Variants in MICAL3 observed in about 807,000 individuals in gnomAD.
The protein encoded by MICAL3 is [F-actin]-monooxygenase MICAL3.
A neutral mutation model predicts 207.4 loss-of-function variants in MICAL3; 62 were observed. That is an observed-to-expected ratio of 0.30 (90% CI 0.24 to 0.37). MICAL3 has a LOEUF of 0.37. Ranked by LOEUF, MICAL3 falls within the 10% of genes least tolerant of loss-of-function variation. MICAL3 has a pLI of 1.00. For missense variants in MICAL3, 2,368 were observed against 2,635.6 expected (o/e 0.90, Z 2.22); for synonymous variants, 1,077 against 1,069.3 (o/e 1.01, Z -0.14).
chr22:17,896,769 G>A lies in MICAL3; in HGVS notation c.1161C>T (p.Asn387=), dbSNP rs61741968. Residue 387 remains asparagine, a synonymous_variant, in exon 8 of 32, where the codon AAC becomes AAT. Coordinates refer to ENST00000441493, the MANE Select transcript of MICAL3 (RefSeq NM_015241.3). ...CCAGAGCCACTAGTAACTGGTGTCC[G>A]TTCTGCTCCCGCACCAAGGCGGCGT... ...SENAALVREQ[N]GHQLLVALVG... is the part of the protein sequence containing the mutation. 5.8e-4 allele frequency: 943 copies of A among 1,613,854 alleles called. 3 individuals carry two copies. In the African/African-American group the frequency reaches 0.011, roughly 19 times the overall value.
intron 1 of MICAL3, among the ~76,000 whole-genome samples, chr22:18,021,864 G>A (rs887281176): frequency 6.6e-6 from 1 of 152,130 alleles, no homozygotes; most frequent in African/African-American, 2.4e-5. Context: ...TATTTATGAG[G>A]TGTATGACTG....
rs140111263 is a variant in MICAL3, at chr22:17,833,613, T to C, written c.2802-1506A>G. On this transcript the variant is annotated intron_variant, in intron 20 of 31. Coordinates refer to ENST00000441493, the MANE Select transcript of MICAL3 (RefSeq NM_015241.3). ...TGTCCTTGGCTCCACGAAAGTAACC[T>C]AGACACGCCTGGGGTGCCCTGCCTA... Among the ~76,000 whole-genome samples the C allele has an allele frequency of 4.6e-5, 7 of 152,306 alleles. No homozygotes were observed. The East Asian group carries it at 1.3e-3, about 29-fold the overall frequency.
At position 17,822,043 on chromosome 22, in the gene MICAL3, C is replaced by T; in HGVS notation, c.3435G>A (p.Lys1145=). Residue 1145 remains lysine, a synonymous_variant, in exon 24 of 32, where the codon AAG becomes AAA. Transcript: ENST00000441493. Reference sequence around the variant, plus strand: ...AGACAGGCTCACCTCTCTCTTGGTGCTTCGGTGAGGCGGGCAGCTTCTCCT... The same window carrying T: ...AGACAGGCTCACCTCTCTCTTGGTGTTTCGGTGAGGCGGGCAGCTTCTCCT... The part of the protein sequence containing the change: ...EDEEKLPASP[K]HQERGPSQAT... 2 of 1,613,858 alleles carry T rather than the reference C, an allele frequency of 1.2e-6. No individual in the cohort carries two copies. Among genetic ancestry groups the T allele is most frequent in the Non-Finnish European group, 1.7e-6 (2 of 1,179,834 alleles).
At chr22:17,943,881 T>C (rs1007428314) in intron 1 of MICAL3, among the ~76,000 whole-genome samples, 1 of 151,462 alleles carries the variant, frequency 6.6e-6, no homozygotes, top group African/African-American at 2.4e-5. Context: ...AGAGATGGAG[T>C]TTTTCTTTTA....
intron 1 of MICAL3, chr22:18,001,482 T>G (rs1602386390): frequency 6.7e-6 from 1 of 148,960 alleles, no homozygotes; most frequent in Admixed American, 6.7e-5. Flanking sequence ...TCCGGCGCGG[T>G]AGGTAGCAGC....
At chr22:17,798,312 C>A (rs972671085) in intron 29 of MICAL3, among the ~76,000 whole-genome samples, 2 of 152,198 alleles carry the variant, frequency 1.3e-5, no homozygotes, top group Non-Finnish European at 2.9e-5. Context: ...GTGTGTTTCA[C>A]GCACACAGAA....
chr22:18,011,561 T>G (rs1194590643), intron 1 of MICAL3, among the ~76,000 whole-genome samples: 1 of 141,980 alleles, frequency 7.0e-6, no homozygotes, highest in Non-Finnish European at 1.5e-5. Flanking sequence ...AGAGTGAGAC[T>G]CCGTCTAAAA....
At chr22:17,880,134 C>T (rs1292182336) in intron 16 of MICAL3, among the ~76,000 whole-genome samples, 6 of 152,136 alleles carry the variant, frequency 3.9e-5, no homozygotes, top group South Asian at 4.1e-4. Flanking sequence ...ATCTAGCACC[C>T]GTGAGCATAA....
At chr22:17,928,149 C>G (rs1365044725) in intron 1 of MICAL3, among the ~76,000 whole-genome samples, 1 of 152,122 alleles carries the variant, frequency 6.6e-6, no homozygotes, top group Non-Finnish European at 1.5e-5. Context: ...TTAGAAACAC[C>G]TGTCCGTGGG....
At chr22:17,810,269 T>G (rs1028846537) in intron 28 of MICAL3, among the ~76,000 whole-genome samples, 3 of 152,078 alleles carry the variant, frequency 2.0e-5, no homozygotes, top group African/African-American at 7.2e-5. Flanking sequence ...TTCACCGTGT[T>G]AGCCAGGATG....
rs76515150 is a variant in MICAL3 at position 17,893,978 on chromosome 22, T to C, written c.1450-74A>G. Reference sequence around the variant, plus strand: ...AACAAATTCCTACCTAAGAGCAGAATGGCTGAAAGGAAAGTCTGGGATAGA... The same window carrying C: ...AACAAATTCCTACCTAAGAGCAGAACGGCTGAAAGGAAAGTCTGGGATAGA... On this transcript the variant is annotated intron_variant, in intron 10 of 31. Transcript: ENST00000441493. The C allele has an allele frequency of 3.3e-3, 3,686 of 1,113,040 alleles. 66 individuals carry two copies. In the African/African-American group the frequency reaches 0.041, roughly 12 times the overall value. The allele number at this position is 1,113,040 out of a possible 1,614,324, so 68.9% of individuals were successfully genotyped here.
intron 1 of MICAL3, among the ~76,000 whole-genome samples, chr22:17,981,210 C>T (rs1935895069): frequency 6.6e-6 from 1 of 151,402 alleles, no homozygotes; most frequent in Non-Finnish European, 1.5e-5. Context: ...TAATAAAGCA[C>T]ATAGGAATAA....
In MICAL3 at chr22:17,900,305, T is replaced by C. The variant is rs1931207621; in HGVS notation, c.847+537A>G. 5.9e-5 allele frequency among the ~76,000 whole-genome samples: 9 copies of C among 152,218 alleles called. No homozygotes were observed. The South Asian group carries it at 1.5e-3, about 25-fold the overall frequency. On this transcript the variant is annotated intron_variant, in intron 6 of 31. Transcript: ENST00000441493. This position sits in a 1 kb window ranked among gnomAD's most constrained non-coding sequence, Gnocchi z 4.0. ...GGCAGAACGAATGCTTTACAACAAA[T>C]AAACGAACAAACAAAACCTCAGGCT...
intron 1 of MICAL3, among the ~76,000 whole-genome samples, chr22:17,993,164 C>CG (rs1462656161): frequency 6.6e-6 from 1 of 152,150 alleles, no homozygotes; most frequent in East Asian, 1.9e-4. Flanking sequence ...ATGAATGACT[C>CG]TGACTACTCA....
At chr22:17,944,147 AGT>A (rs1933941868) in intron 1 of MICAL3, among the ~76,000 whole-genome samples, 1 of 152,206 alleles carries the variant, frequency 6.6e-6, no homozygotes, top group African/African-American at 2.4e-5. Context: ...GTTCCACTCC[AGT>A]GGAGAGAGAG....
In MICAL3 at chr22:17,796,862, G is replaced by C. The variant is rs2061882062; in HGVS notation, c.5651-5561C>G. On this transcript the variant is annotated intron_variant, in intron 29 of 31. Transcript: ENST00000441493. This position sits in a 1 kb window ranked among gnomAD's most constrained non-coding sequence, Gnocchi z 4.4. Reference sequence around the variant, plus strand: ...TGGCGCACCCGAGCACCTCACTCCAGGCCCTGCCTCTCATGGGCCCAAGAC... The same window carrying C: ...TGGCGCACCCGAGCACCTCACTCCACGCCCTGCCTCTCATGGGCCCAAGAC... Among the ~76,000 whole-genome samples, 1 of 152,180 alleles carries C rather than the reference G, an allele frequency of 6.6e-6. No individual in the cohort carries two copies. Among genetic ancestry groups the C allele is most frequent in the Non-Finnish European group, 1.5e-5 (1 of 68,044 alleles).
intron 1 of MICAL3, among the ~76,000 whole-genome samples, chr22:17,973,157 A>G (rs1461026918): frequency 6.6e-6 from 1 of 152,184 alleles, no homozygotes; most frequent in African/African-American, 2.4e-5. Flanking sequence ...TGGGGGGAAA[A>G]GGGAGAAGAG....
chr22:17,978,790 A>C (rs1333256118), intron 1 of MICAL3, among the ~76,000 whole-genome samples: 1 of 150,564 alleles, frequency 6.6e-6, no homozygotes, highest in East Asian at 2.0e-4. Context: ...AAGTGCTGGG[A>C]TTACAGGTGT....
intron 19 of MICAL3, chr22:17,863,378 A>G: frequency 7.1e-6 from 7 of 985,320 alleles, no homozygotes; most frequent in Non-Finnish European, 7.2e-6. Flanking sequence ...CTCCAACTGA[A>G]TGTACATTCT....
Sources: allele counts gnomAD v4.1 joint callset (sites outside exome capture counted in the v4.1 genomes callset), GRCh38; gene constraint gnomAD v4.1.1; non-coding constraint Gnocchi (gnomAD v3.1); transcripts MANE v1.5; gene names NCBI Gene and HGNC (gene_info 2026-07-23, HGNC 2026-07-21).